The following PGS1 variants were observed in gnomAD, a reference collection of about 807,000 sequenced individuals.
PGS1 encodes the protein CDP-diacylglycerol--glycerol-3-phosphate 3-phosphatidyltransferase, mitochondrial.
Under a neutral mutation model 58.3 loss-of-function variants are expected in PGS1, and 44 were observed. That is an observed-to-expected ratio of 0.75 (90% CI 0.59 to 0.97). The LOEUF is 0.97. Ranked by LOEUF, PGS1 falls within the 50% of genes least tolerant of loss-of-function variation. The pLI, the probability that PGS1 is intolerant of heterozygous loss-of-function variation, is 0.00. For synonymous variants in PGS1, 330 were observed against 311.0 expected, an observed-to-expected ratio of 1.06 and a Z score of -0.64; for missense variants, 684 against 731.1, an observed-to-expected ratio of 0.94 and a Z score of 0.74.
In PGS1 at chr17:78,399,520, C is replaced by G; in HGVS notation, c.684C>G (p.Asn228Lys). 1 of 1,614,196 alleles carries G rather than the reference C, an allele frequency of 6.2e-7. No individual in the cohort carries two copies. Among genetic ancestry groups the G allele is most frequent in the East Asian group, 2.2e-5 (1 of 44,886 alleles). The change falls in exon 5 of 10, where the codon AAC becomes AAG. Residue 228 changes from asparagine (N) to lysine (K), a missense_variant. Transcript: ENST00000262764. ...ACATTAAGGTGTACCTCTTCGACAA[C>G]AGCGTCATCTTGAGCGGGTGAGTGC... ...LQHIKVYLFD[N>K]SVILSGANLS...
chr17:78,402,835 G>T (rs1389972192), intron 6 of PGS1, among the ~76,000 whole-genome samples: 2 of 152,084 alleles, frequency 1.3e-5, no homozygotes, highest in Non-Finnish European at 1.5e-5. Flanking sequence ...TCCTGAGTTG[G>T]ATGCTTAACT....
rs1229038924 is a variant in PGS1 at position 78,400,913 on chromosome 17, G to C, written c.880+58G>C. 6 of 1,434,170 alleles carry C rather than the reference G, an allele frequency of 4.2e-6. No individual in the cohort carries two copies. Among genetic ancestry groups the C allele is most frequent in the Non-Finnish European group, 5.7e-6 (6 of 1,058,032 alleles). The allele number at this position is 1,434,170 out of a possible 1,614,324, so 88.8% of individuals were successfully genotyped here. A position where few individuals can be genotyped will look rare whatever the true frequency, so the allele number is the denominator to read the frequency against. ...GTGGGTGGGGTGGAGTGAGGGCCCG[G>C]GAGAGCACAACTCTAGGTGGTTCTG... On this transcript the variant is annotated intron_variant, in intron 6 of 9. Coordinates refer to ENST00000262764, the MANE Select transcript of PGS1 (RefSeq NM_024419.5). This position sits in a 1 kb window ranked among gnomAD's most constrained non-coding sequence, Gnocchi z 4.4.
chr17:78,383,857 G>A (rs115857203), intron 1 of PGS1, among the ~76,000 whole-genome samples: 3,029 of 152,296 alleles, frequency 0.02, 128 homozygotes, highest in African/African-American at 0.069. Flanking sequence ...GTTATAGTTG[G>A]TGATGAATTA....
intron 1 of PGS1, among the ~76,000 whole-genome samples, chr17:78,386,981 G>T (rs60925600): frequency 9.0e-6 from 1 of 111,458 alleles, no homozygotes; most frequent in Non-Finnish European, 1.9e-5. Context: ...GATGATGATG[G>T]TGATGATGGT....
chr17:78,391,396 A>G (rs2146127730), intron 1 of PGS1, among the ~76,000 whole-genome samples: 1 of 152,128 alleles, frequency 6.6e-6, no homozygotes, highest in East Asian at 1.9e-4. Context: ...TAGCTGGGAG[A>G]ACAGCCTTGA....
intron 1 of PGS1, chr17:78,380,888 C>T (rs1445590836): frequency 6.6e-6 from 1 of 151,602 alleles, no homozygotes; most frequent in African/African-American, 2.4e-5. Flanking sequence ...TTCTGTCACT[C>T]AGGCTGGAGT....
chr17:78,421,947 G>T (rs563460874), intron 9 of PGS1: 2 of 132,546 alleles, frequency 1.5e-5, no homozygotes, highest in Non-Finnish European at 3.3e-5. Context: ...TTCTAGGTGC[G>T]CGGGGCTGTC....
At chr17:78,394,416 G>A (rs1304106985) in intron 2 of PGS1, among the ~76,000 whole-genome samples, 1 of 152,012 alleles carries the variant, frequency 6.6e-6, no homozygotes, top group Non-Finnish European at 1.5e-5. Context: ...ACACAGGCGT[G>A]TCCTTTTGTT....
At chr17:78,417,841 A>T (rs1266031965) in intron 8 of PGS1, among the ~76,000 whole-genome samples, 1 of 151,610 alleles carries the variant, frequency 6.6e-6, no homozygotes, top group Non-Finnish European at 1.5e-5. Flanking sequence ...CACTGAGGAC[A>T]CTGAGGAGAG....
rs536431385 is a variant in PGS1 at position 78,385,046 on chromosome 17, A to T, written c.143+6238A>T. On this transcript the variant is annotated intron_variant, in intron 1 of 9. Coordinates refer to ENST00000262764, the MANE Select transcript of PGS1 (RefSeq NM_024419.5). ...GTTTTCCATGAAGCAGAGCACGCGC[A>T]GCTGCAGAACGGTGAAGTGGAAAAC... 7.2e-5 allele frequency among the ~76,000 whole-genome samples: 11 copies of T among 152,378 alleles called. No individual in the cohort carries two copies. The South Asian group carries it at 2.3e-3, about 32-fold the overall frequency.
intron 7 of PGS1, among the ~76,000 whole-genome samples, chr17:78,408,074 A>G (rs2084306772): frequency 6.6e-6 from 1 of 151,486 alleles, no homozygotes; most frequent in Non-Finnish European, 1.5e-5. Flanking sequence ...TCTTTTGCAT[A>G]CTATGCTGAT....
At chr17:78,415,230 G>A (rs1406967438) in intron 8 of PGS1, among the ~76,000 whole-genome samples, 1 of 152,204 alleles carries the variant, frequency 6.6e-6, no homozygotes, top group Non-Finnish European at 1.5e-5. Context: ...CTTCCCAGAC[G>A]CGTTGCACCC....
At chr17:78,415,487 C>T (rs1019154931) in intron 8 of PGS1, among the ~76,000 whole-genome samples, 1 of 152,168 alleles carries the variant, frequency 6.6e-6, no homozygotes, top group Non-Finnish European at 1.5e-5. Flanking sequence ...AAGAAAGTAG[C>T]CGGGCATGGT....
rs141082070 is a variant in PGS1 at position 78,407,473 on chromosome 17, C to G, written c.1402+3384C>G. Among the ~76,000 whole-genome samples, 899 of 152,306 alleles carry G rather than the reference C, an allele frequency of 5.9e-3. 12 individuals are homozygous for G. The highest frequency in any genetic ancestry group is 0.021 in the African/African-American group (867 of 41,568). ...GGATTTCGATGGCTGGCCCAGTGGA[C>G]CATTCATTTCCTGACTGTCTGCCCT... On this transcript the variant is annotated intron_variant, in intron 7 of 9. Coordinates refer to ENST00000262764, the MANE Select transcript of PGS1 (RefSeq NM_024419.5).
intron 8 of PGS1, among the ~76,000 whole-genome samples, chr17:78,417,722 G>A (rs867212311): frequency 6.6e-5 from 10 of 151,866 alleles, no homozygotes; most frequent in African/African-American, 1.2e-4. Context: ...TCCTCACGGC[G>A]GTGTGGATGT....
chr17:78,421,910 G>GCGGCGGC (rs778855014), intron 9 of PGS1: 1 of 140,874 alleles, frequency 7.1e-6, no homozygotes, highest in African/African-American at 2.9e-5. Context: ...CGGGCGGCGG[G>GCGGCGGC]CGGCGGCCGC....
intron 1 of PGS1, among the ~76,000 whole-genome samples, chr17:78,387,162 C>A (rs1399331383): frequency 6.6e-6 from 1 of 152,098 alleles, no homozygotes; most frequent in Non-Finnish European, 1.5e-5. Context: ...CGCCACCATG[C>A]CCAGCTAATT....
intron 6 of PGS1, 150 bp downstream of exon 6, chr17:78,401,005 T>G: frequency 1.5e-6 from 1 of 687,122 alleles, no homozygotes; most frequent in Non-Finnish European, 2.4e-6. Context: ...CAGACAGATG[T>G]GACTCACTGA....
intron 2 of PGS1, among the ~76,000 whole-genome samples, chr17:78,393,993 C>T (rs748214139): frequency 2.0e-5 from 3 of 151,612 alleles, no homozygotes; most frequent in Non-Finnish European, 4.4e-5. Flanking sequence ...AGAACAGCCT[C>T]GTCAACGTGG....
Sources: gnomAD v4.1 joint callset for allele counts (sites outside exome capture counted in the v4.1 genomes callset) on GRCh38, gnomAD v4.1.1 for gene constraint, Gnocchi (gnomAD v3.1) non-coding constraint, MANE v1.5 for transcripts, NCBI Gene and HGNC (gene_info 2026-07-23, HGNC 2026-07-21) for gene names.